The following PLXNA4 variants were observed in gnomAD, a reference collection of about 807,000 sequenced individuals.
PLXNA4 encodes the protein plexin-A4.
A neutral mutation model predicts 191.8 loss-of-function variants in PLXNA4; 44 were observed. The ratio of observed to expected loss-of-function variants is 0.23; its 90% CI spans 0.18 to 0.29. The LOEUF is 0.29. Ranked by LOEUF, PLXNA4 falls within the 10% of genes least tolerant of loss-of-function variation. PLXNA4 has a pLI of 1.00. For missense variants in PLXNA4, 1,800 were observed against 2,488.8 expected (o/e 0.72, Z 5.89); for synonymous variants, 1,082 against 1,009.5 (o/e 1.07, Z -1.36).
intron 4 of PLXNA4, among the ~76,000 whole-genome samples, chr7:132,268,826 T>C (rs1444341522): frequency 2.6e-5 from 4 of 152,062 alleles, no homozygotes; most frequent in African/African-American, 9.7e-5. Flanking sequence ...GCCTTCCTGG[T>C]GAATGTGTGG....
At chr7:132,334,252 C>CTTTTTTTTTTTTTTTTTTTTTT (rs71529758) in intron 3 of PLXNA4, among the ~76,000 whole-genome samples, 26 of 75,602 alleles carry the variant, frequency 3.4e-4, no homozygotes, top group Middle Eastern at 0.011. Context: ...TTCTTTCTTT[C>CTTTTTTTTTTTTTTTTTTTTTT]TTTTTTTTTT....
At chr7:132,242,764 A>C (rs1798924762) in intron 4 of PLXNA4, among the ~76,000 whole-genome samples, 1 of 152,098 alleles carries the variant, frequency 6.6e-6, no homozygotes, top group African/African-American at 2.4e-5. Flanking sequence ...TGTAATCTGC[A>C]TGAGCCGTGC....
At chr7:132,135,982 A>C (rs1204095558) in intron 30 of PLXNA4, among the ~76,000 whole-genome samples, 3 of 152,196 alleles carry the variant, frequency 2.0e-5, no homozygotes, top group Non-Finnish European at 4.4e-5. Context: ...CCGACAGCCC[A>C]GTGTCTGTGG....
intron 5 of PLXNA4, among the ~76,000 whole-genome samples, chr7:132,238,507 C>T (rs1368818724): frequency 6.6e-6 from 1 of 152,234 alleles, no homozygotes; most frequent in Non-Finnish European, 1.5e-5. Flanking sequence ...AATGCGCTGG[C>T]TCCACTGTGG....
intron 3 of PLXNA4, among the ~76,000 whole-genome samples, chr7:132,458,031 T>C (rs1392555904): frequency 1.3e-5 from 2 of 152,178 alleles, no homozygotes; most frequent in African/African-American, 2.4e-5. Context: ...TTTGGGGTAA[T>C]TTGTTACAGC....
chr7:132,195,744 A>C (rs1215122429), intron 13 of PLXNA4, among the ~76,000 whole-genome samples: 2 of 152,186 alleles, frequency 1.3e-5, no homozygotes, highest in African/African-American at 4.8e-5. Flanking sequence ...TTTTCTGTTG[A>C]AGCCCTCTTT....
intron 3 of PLXNA4, among the ~76,000 whole-genome samples, chr7:132,424,815 A>G (rs1291661899): frequency 1.3e-5 from 2 of 152,246 alleles, no homozygotes; most frequent in Non-Finnish European, 2.9e-5. Flanking sequence ...ATAAATAGGA[A>G]AAAAACGAGG....
At chr7:132,308,256 G>A (rs1404590382) in intron 3 of PLXNA4, among the ~76,000 whole-genome samples, 1 of 152,182 alleles carries the variant, frequency 6.6e-6, no homozygotes, top group African/African-American at 2.4e-5. Context: ...TCACCAGAGA[G>A]CACTGTGTGC....
intron 1 of PLXNA4, among the ~76,000 whole-genome samples, chr7:132,538,309 G>C (rs1371995623): frequency 1.3e-5 from 2 of 152,196 alleles, no homozygotes; most frequent in African/African-American, 4.8e-5. Context: ...TATATGATCA[G>C]CACAAATGCA....
chr7:132,521,178 G>C (rs1426487), intron 1 of PLXNA4, among the ~76,000 whole-genome samples: 2 of 132,880 alleles, frequency 1.5e-5, no homozygotes, highest in Non-Finnish European at 1.6e-5. Context: ...TTTGCTCCTT[G>C]AAAAAAAAAA....
intron 3 of PLXNA4, among the ~76,000 whole-genome samples, chr7:132,349,245 A>C (rs1218743130): frequency 1.3e-5 from 2 of 152,166 alleles, no homozygotes; most frequent in Non-Finnish European, 2.9e-5. Context: ...AAGAAGTTAT[A>C]AGCCGTGCTA....
rs567437517 is a variant in PLXNA4 at position 132,445,700 on chromosome 7, AAAAT to A, written c.1371+43588_1371+43591del. ...GAAACACCTCACTTCCCTGTACAGA[AAAAT>A]AAAAGTGAGAAATACAAAAAAGCAG... is the stretch of plus-strand genomic sequence containing the variant. On this transcript the variant is annotated intron_variant, in intron 3 of 31. Transcript: ENST00000321063. Among the ~76,000 whole-genome samples, 42 of 152,244 alleles carry A rather than the reference AAAAT, an allele frequency of 2.8e-4. No individual in the cohort carries two copies. The South Asian group carries it at 8.1e-3, about 29-fold the overall frequency.
At chr7:132,134,847 C>T (rs990601993) in intron 30 of PLXNA4, among the ~76,000 whole-genome samples, 1 of 152,194 alleles carries the variant, frequency 6.6e-6, no homozygotes, top group African/African-American at 2.4e-5. Context: ...CCCAGTACCC[C>T]TTCCTGTTTC....
At chr7:132,488,253 G>C (rs1040697997) in intron 3 of PLXNA4, among the ~76,000 whole-genome samples, 1 of 152,222 alleles carries the variant, frequency 6.6e-6, no homozygotes, top group Non-Finnish European at 1.5e-5. Context: ...CAACAGAAAT[G>C]ATTGCTGGGC....
At chr7:132,630,710 A>C (rs920164415) in intron 2 of PLXNA4, among the ~76,000 whole-genome samples, 2 of 152,010 alleles carry the variant, frequency 1.3e-5, no homozygotes, top group Admixed American at 6.5e-5. Context: ...ATGGGGTTTC[A>C]CTGTGTTAGC....
Position 132,123,541 on chromosome 7 carries a change from A to T in PLXNA4, c.*6938T>A, listed in dbSNP as rs112121237. ...AGGTTTCCTTTTTAAAAACTTTTTA[A>T]TTTTTTTTTAATATTTTACTAGGAT... is the stretch of plus-strand genomic sequence containing the variant. On this transcript the variant is annotated 3_prime_UTR_variant, in exon 32 of 32. Coordinates refer to ENST00000321063, the MANE Select transcript of PLXNA4 (RefSeq NM_020911.2). 6.6e-6 allele frequency: 1 copy of T among 151,704 alleles called. No homozygotes were observed. Among genetic ancestry groups the T allele is most frequent in the Non-Finnish European group, 1.5e-5 (1 of 67,910 alleles). 9.4% of individuals were successfully genotyped at this position (151,704 alleles called of 1,614,324 possible). A position where few individuals can be genotyped will look rare whatever the true frequency, so the allele number is the denominator to read the frequency against.
intron 4 of PLXNA4, among the ~76,000 whole-genome samples, chr7:132,294,888 C>T (rs1563017778): frequency 6.6e-6 from 1 of 152,208 alleles, no homozygotes; most frequent in Non-Finnish European, 1.5e-5. Flanking sequence ...AGGTGGCCAT[C>T]TGCAAGCCAG....
chr7:132,635,964 G>T (rs764361191), intron 2 of PLXNA4, among the ~76,000 whole-genome samples: 9 of 152,222 alleles, frequency 5.9e-5, no homozygotes, highest in Non-Finnish European at 1.3e-4. Flanking sequence ...GAGGCTGGGG[G>T]ATGGAGGAGG....
intron 8 of PLXNA4, among the ~76,000 whole-genome samples, chr7:132,224,666 A>C (rs989880945): frequency 1.3e-5 from 2 of 152,182 alleles, no homozygotes; most frequent in Admixed American, 1.3e-4. Flanking sequence ...GCTTCCCCAG[A>C]GGGGAAAGTG....
Sources: gnomAD v4.1 joint callset for allele counts (sites outside exome capture counted in the v4.1 genomes callset) on GRCh38, gnomAD v4.1.1 for gene constraint, MANE v1.5 for transcripts, NCBI Gene and HGNC (gene_info 2026-07-23, HGNC 2026-07-21) for gene names.